The following CSGALNACT1 variants were observed in gnomAD, a reference collection of about 807,000 sequenced individuals.
CSGALNACT1 encodes the protein beta4GalNAcT-1.
CSGALNACT1 carries 52 observed loss-of-function variants against 51.0 expected under a neutral mutation model. That is an observed-to-expected ratio of 1.02 (90% confidence interval 0.82 to 1.29). The LOEUF is 1.29. Ranked by LOEUF, CSGALNACT1 falls within the 50% of genes most tolerant of loss-of-function variation. The pLI, the probability that CSGALNACT1 is intolerant of heterozygous loss-of-function variation, is 0.00. For synonymous variants in CSGALNACT1, 341 were observed against 254.4 expected (o/e 1.34, Z -3.24); for missense variants, 935 against 679.2 (o/e 1.38, Z -4.19).
At chr8:19,702,274 C>T (rs2061922336) in intron 1 of CSGALNACT1, among the ~76,000 whole-genome samples, 1 of 152,124 alleles carries the variant, frequency 6.6e-6, no homozygotes, top group Non-Finnish European at 1.5e-5. Flanking sequence ...CCTGTAATCC[C>T]AATGCTTTGG....
intron 1 of CSGALNACT1, among the ~76,000 whole-genome samples, chr8:19,750,129 G>A (rs2064937699): frequency 6.6e-6 from 1 of 152,128 alleles, no homozygotes; most frequent in African/African-American, 2.4e-5. Flanking sequence ...ACTTCCATGA[G>A]ACCTGAGTTC....
chr8:19,702,207 C>T lies in CSGALNACT1; in HGVS notation c.-297+55643G>A, dbSNP rs865813593. ...GCTCTGAGCCCCTCACAGCCCTTCCCAAAGGTATTCAGTGGATCCCTAGAG... is the reference window on the plus strand; with the variant it reads ...GCTCTGAGCCCCTCACAGCCCTTCCTAAAGGTATTCAGTGGATCCCTAGAG... On this transcript the variant is annotated intron_variant, in intron 1 of 1. Transcript: ENST00000517494. 5.3e-5 allele frequency among the ~76,000 whole-genome samples: 8 copies of T among 152,158 alleles called. No homozygotes were observed. In the South Asian group the frequency reaches 1.0e-3, roughly 20 times the overall value.
intron 5 of CSGALNACT1, among the ~76,000 whole-genome samples, chr8:19,443,223 T>C (rs551096042): frequency 6.6e-6 from 1 of 152,352 alleles, no homozygotes; most frequent in South Asian, 2.1e-4. Context: ...AGTTCATTTA[T>C]GTATATGTGT....
intron 1 of CSGALNACT1, among the ~76,000 whole-genome samples, chr8:19,640,128 A>G (rs2154176050): frequency 6.6e-6 from 1 of 152,206 alleles, no homozygotes; most frequent in Middle Eastern, 3.4e-3. Flanking sequence ...AAAGATATAT[A>G]AGGTATTTTA....
At chr8:19,686,496 C>G (rs1030470745), upstream of CSGALNACT1, among the ~76,000 whole-genome samples, 1 of 152,174 alleles carries the variant, frequency 6.6e-6, no homozygotes, top group African/African-American at 2.4e-5. Context: ...GTGAAATGCA[C>G]CCAGCTGGCT....
At chr8:19,739,469 T>C (rs2064178869) in intron 1 of CSGALNACT1, among the ~76,000 whole-genome samples, 1 of 152,132 alleles carries the variant, frequency 6.6e-6, no homozygotes. Context: ...GCCACTGCCA[T>C]GAAAATGCTG....
At chr8:19,533,656 T>C (rs908365955) in intron 3 of CSGALNACT1, among the ~76,000 whole-genome samples, 3 of 152,146 alleles carry the variant, frequency 2.0e-5, no homozygotes, top group African/African-American at 4.8e-5. Flanking sequence ...TGTAAGCTCT[T>C]TGAGAGCAAG....
At chr8:19,549,124 CT>C (rs11335504) in intron 3 of CSGALNACT1, among the ~76,000 whole-genome samples, 46,642 of 148,652 alleles carry the variant, frequency 0.31, 7,716 homozygotes, top group African/African-American at 0.45. Context: ...GCTGCTTATC[CT>C]TTTTTTTTTT....
intron 1 of CSGALNACT1, among the ~76,000 whole-genome samples, chr8:19,752,062 AT>A (rs1365372350): frequency 1.3e-4 from 13 of 96,360 alleles, no homozygotes; most frequent in Admixed American, 1.1e-3. Flanking sequence ...ATAACAATAT[AT>A]TTTTATATGA....
chr8:19,470,769 A>G (rs2067953796), intron 4 of CSGALNACT1, among the ~76,000 whole-genome samples: 1 of 152,140 alleles, frequency 6.6e-6, no homozygotes, highest in African/African-American at 2.4e-5. Context: ...CGCAGGCCCT[A>G]AGGAGAAGCA....
chr8:19,627,684 G>T (rs1014055766), intron 1 of CSGALNACT1, among the ~76,000 whole-genome samples: 8 of 152,072 alleles, frequency 5.3e-5, no homozygotes, highest in South Asian at 2.1e-4. Context: ...AATTAGCCAG[G>T]TATGGTGGCA....
At chr8:19,409,227 C>T (rs563763860) in intron 8 of CSGALNACT1, among the ~76,000 whole-genome samples, 2 of 152,324 alleles carry the variant, frequency 1.3e-5, no homozygotes, top group East Asian at 3.9e-4. Flanking sequence ...TGAGAGACTT[C>T]AGTATGTTAC....
intron 6 of CSGALNACT1, among the ~76,000 whole-genome samples, chr8:19,430,299 T>A (rs1182443876): frequency 6.6e-6 from 1 of 152,234 alleles, no homozygotes; most frequent in Non-Finnish European, 1.5e-5. Flanking sequence ...CTTACACCTA[T>A]GTTTTCTCTT....
intron 6 of CSGALNACT1, among the ~76,000 whole-genome samples, chr8:19,436,317 GAA>G (rs1355509047): frequency 6.6e-6 from 1 of 152,140 alleles, no homozygotes; most frequent in Non-Finnish European, 1.5e-5. Flanking sequence ...ATATTAGAGT[GAA>G]CAGGTGGTGG....
intron 3 of CSGALNACT1, among the ~76,000 whole-genome samples, chr8:19,516,517 T>G (rs1014141866): frequency 6.6e-6 from 1 of 152,186 alleles, no homozygotes; most frequent in Non-Finnish European, 1.5e-5. Context: ...GCTTCTCTAG[T>G]TAAAATGTTT....
intron 1 of CSGALNACT1, among the ~76,000 whole-genome samples, chr8:19,666,890 A>AGAGAAAGT (rs1564384389): frequency 2.2e-5 from 3 of 135,896 alleles, no homozygotes; most frequent in South Asian, 2.3e-4. Context: ...AGAAAGAGAG[A>AGAGAAAGT]GAGGAAGTGA....
At chr8:19,576,500 A>C (rs1588580553) in intron 3 of CSGALNACT1, among the ~76,000 whole-genome samples, 1 of 150,722 alleles carries the variant, frequency 6.6e-6, no homozygotes, top group African/African-American at 2.4e-5. Flanking sequence ...GCCTATTCCT[A>C]ATCTTTCACA....
chr8:19,486,915 T>C (rs1198513208), intron 4 of CSGALNACT1, among the ~76,000 whole-genome samples: 1 of 152,114 alleles, frequency 6.6e-6, no homozygotes, highest in Non-Finnish European at 1.5e-5. Context: ...CCAACAACAC[T>C]TGAAGAAAAG....
intron 4 of CSGALNACT1, among the ~76,000 whole-genome samples, chr8:19,486,523 C>A (rs2072981306): frequency 6.6e-6 from 1 of 152,166 alleles, no homozygotes; most frequent in East Asian, 1.9e-4. Context: ...TCTGCCCCTG[C>A]ACACTGCCCC....
Sources: gnomAD v4.1 joint callset for allele counts (sites outside exome capture counted in the v4.1 genomes callset) on GRCh38, gnomAD v4.1.1 for gene constraint, MANE v1.5 for transcripts, NCBI Gene and HGNC (gene_info 2026-07-23, HGNC 2026-07-21) for gene names.